DLC1: variants seen among roughly 807,000 people sequenced by gnomAD.
DLC1 encodes the protein DLC1 Rho GTPase activating protein, also known as rho GTPase-activating protein 7.
Under a neutral mutation model 140.3 loss-of-function variants are expected in DLC1, and 54 were observed. The ratio of observed to expected loss-of-function variants is 0.38; its 90% CI spans 0.31 to 0.48. DLC1 has a LOEUF of 0.48. Ranked by LOEUF, DLC1 falls within the 20% of genes least tolerant of loss-of-function variation. The pLI is 0.96. For synonymous variants in DLC1, 986 were observed against 728.1 expected (o/e 1.35, Z -5.70); for missense variants, 2,536 against 1,907.0 (o/e 1.33, Z -6.14).
At chr8:13,247,236 C>G (rs1311137253) in intron 5 of DLC1, among the ~76,000 whole-genome samples, 1 of 152,208 alleles carries the variant, frequency 6.6e-6, no homozygotes, top group Non-Finnish European at 1.5e-5. Flanking sequence ...GTGAAAACTT[C>G]AGACACTGCC....
At chr8:13,577,856 A>G (rs982851622) in intron 1 of DLC1, among the ~76,000 whole-genome samples, 1 of 152,042 alleles carries the variant, frequency 6.6e-6, no homozygotes, top group Non-Finnish European at 1.5e-5. Context: ...CTTTAAGGTT[A>G]GGGGCTTCAC....
intron 4 of DLC1, chr8:13,353,569 C>T (rs778060442): frequency 6.6e-6 from 1 of 152,168 alleles, no homozygotes; most frequent in Non-Finnish European, 1.5e-5. Flanking sequence ...CTTAAAACAA[C>T]AACAGGCCAG....
chr8:13,086,629 G>A (rs1043654330), intron 16 of DLC1, among the ~76,000 whole-genome samples, 166 bp from the exon 17 acceptor site: 1 of 152,192 alleles, frequency 6.6e-6, no homozygotes, highest in Non-Finnish European at 1.5e-5. Context: ...ACTTGCTATG[G>A]TGTACATGTG....
chr8:13,142,492 C>G (rs750218128), intron 5 of DLC1, among the ~76,000 whole-genome samples: 1 of 152,116 alleles, frequency 6.6e-6, no homozygotes, highest in South Asian at 2.1e-4. Context: ...CTCCAGATAT[C>G]TGAATCTCTA....
chr8:13,352,532 C>T (rs1227991659), intron 4 of DLC1, among the ~76,000 whole-genome samples: 1 of 151,994 alleles, frequency 6.6e-6, no homozygotes, highest in South Asian at 2.1e-4. Context: ...CAGGCATGCA[C>T]CACCATGCCT....
intron 4 of DLC1, among the ~76,000 whole-genome samples, chr8:13,346,330 GA>G (rs2117008796): frequency 6.6e-6 from 1 of 152,294 alleles, no homozygotes; most frequent in South Asian, 2.1e-4. Flanking sequence ...AATTTGGAGG[GA>G]AAAACATTTG....
chr8:13,440,000 C>T (rs552119124), intron 2 of DLC1, among the ~76,000 whole-genome samples: 2 of 152,232 alleles, frequency 1.3e-5, no homozygotes, highest in Admixed American at 1.3e-4. Flanking sequence ...TTCCTCAAAG[C>T]CTATTCACTG....
At chr8:13,344,492 T>C (rs562390062) in intron 4 of DLC1, among the ~76,000 whole-genome samples, 1 of 152,252 alleles carries the variant, frequency 6.6e-6, no homozygotes, top group East Asian at 1.9e-4. Context: ...AAACTCCATC[T>C]CAAAAAAACA....
intron 5 of DLC1, among the ~76,000 whole-genome samples, chr8:13,141,879 A>G (rs1823020079): frequency 6.6e-6 from 1 of 152,210 alleles, no homozygotes; most frequent in African/African-American, 2.4e-5. Flanking sequence ...ATTTTAAAAA[A>G]TAGACCTAGC....
intron 4 of DLC1, among the ~76,000 whole-genome samples, chr8:13,313,281 T>C (rs1404844127): frequency 6.6e-6 from 1 of 152,208 alleles, no homozygotes; most frequent in African/African-American, 2.4e-5. Flanking sequence ...ACTCACTACC[T>C]ACACAGTCTT....
chr8:13,241,878 T>A (rs1026561419), intron 5 of DLC1, among the ~76,000 whole-genome samples: 3 of 152,080 alleles, frequency 2.0e-5, no homozygotes, highest in Admixed American at 6.5e-5. Flanking sequence ...TGCCTTGTGG[T>A]CATTTACCAT....
At chr8:13,255,441 A>C (rs528676649) in intron 5 of DLC1, among the ~76,000 whole-genome samples, 46 of 152,216 alleles carry the variant, frequency 3.0e-4, no homozygotes, top group Non-Finnish European at 6.2e-4. Context: ...GGCAGGGATA[A>C]GTCTTGCCCA....
chr8:13,536,598 C>A (rs1487148365), intron 1 of DLC1, among the ~76,000 whole-genome samples: 1 of 152,122 alleles, frequency 6.6e-6, no homozygotes, highest in Non-Finnish European at 1.5e-5. Flanking sequence ...AATCTTTACC[C>A]TGGCAGGGTG....
chr8:13,566,708 C>A, intron 1 of DLC1: 1 of 414,466 alleles, frequency 2.4e-6, no homozygotes, highest in Non-Finnish European at 4.3e-6. Flanking sequence ...CAAAGAGAAG[C>A]AGGAGTGCAG....
At chr8:13,126,120 G>C (rs1821539748) in intron 5 of DLC1, among the ~76,000 whole-genome samples, 1 of 152,100 alleles carries the variant, frequency 6.6e-6, no homozygotes. Flanking sequence ...ATGAATTTGA[G>C]CCCATGAGGG....
intron 9 of DLC1, 92 bp from the exon 10 acceptor site, chr8:13,098,667 G>A: frequency 7.5e-7 from 1 of 1,341,780 alleles, no homozygotes; most frequent in African/African-American, 1.5e-5. Flanking sequence ...CCAGGCTGGA[G>A]TGCAGTGGTG....
At chr8:13,577,881 G>A (rs970169571) in intron 1 of DLC1, among the ~76,000 whole-genome samples, 16 of 151,950 alleles carry the variant, frequency 1.1e-4, no homozygotes, top group Admixed American at 3.3e-4. Context: ...GACAATTGTT[G>A]CTTTATTGGA....
At chr8:13,321,860 C>T (rs1454952) in intron 4 of DLC1, among the ~76,000 whole-genome samples, 143,497 of 152,230 alleles carry the variant, frequency 0.94, 67,977 homozygotes, top group East Asian at 1. Flanking sequence ...GACCTATTTT[C>T]TACGTGTCTG....
chr8:13,314,938 C>T (rs1205467723), intron 4 of DLC1, among the ~76,000 whole-genome samples: 1 of 152,082 alleles, frequency 6.6e-6, no homozygotes, highest in Non-Finnish European at 1.5e-5. Flanking sequence ...CGTGGTCTAA[C>T]CTAAAATGTA....
Sources: gnomAD v4.1 joint callset for allele counts (sites outside exome capture counted in the v4.1 genomes callset) on GRCh38, gnomAD v4.1.1 for gene constraint, MANE v1.5 for transcripts, NCBI Gene and HGNC (gene_info 2026-07-23, HGNC 2026-07-21) for gene names.